Variants in PRKCH observed in about 807,000 individuals in gnomAD.
PRKCH encodes protein kinase C eta type.
PRKCH carries 28 observed loss-of-function variants against 82.5 expected under a neutral mutation model. The observed-to-expected ratio is 0.34, with a 90% CI of 0.25 to 0.47. PRKCH has a LOEUF of 0.47. Among genes scored for constraint, PRKCH ranks in the 20% least tolerant of loss-of-function variants. The pLI, the probability that PRKCH is intolerant of heterozygous loss-of-function variation, is 1.00. For synonymous variants in PRKCH, 322 were observed against 327.4 expected, an observed-to-expected ratio of 0.98 and a Z score of 0.18; for missense variants, 705 against 881.8, an observed-to-expected ratio of 0.80 and a Z score of 2.54.
upstream of PRKCH, among the ~76,000 whole-genome samples, chr14:61,318,446 C>T (rs1227389459): frequency 2.7e-5 from 4 of 148,814 alleles, no homozygotes; most frequent in Admixed American, 2.0e-4. Flanking sequence ...CTTAAGCCAT[C>T]CCCCCACCTT....
intron 1 of PRKCH, among the ~76,000 whole-genome samples, chr14:61,211,888 C>G (rs971412956): frequency 2.6e-5 from 4 of 152,134 alleles, no homozygotes; most frequent in East Asian, 3.8e-4. Context: ...AATAACCTGC[C>G]ACAGTCCTAG....
intron 10 of PRKCH, among the ~76,000 whole-genome samples, chr14:61,502,196 C>T (rs1199539981): frequency 1.3e-5 from 2 of 151,240 alleles, no homozygotes; most frequent in East Asian, 3.9e-4. Flanking sequence ...TCTTGAGTAG[C>T]TGGGACTATA....
At chr14:61,290,829 A>G (rs529275326) in intron 1 of PRKCH, among the ~76,000 whole-genome samples, 4 of 152,224 alleles carry the variant, frequency 2.6e-5, no homozygotes, top group Non-Finnish European at 4.4e-5. Context: ...GAGATTAAAC[A>G]TCCTGATAAG....
chr14:61,248,523 A>G (rs2044907526), intron 1 of PRKCH, among the ~76,000 whole-genome samples: 1 of 152,182 alleles, frequency 6.6e-6, no homozygotes, highest in Non-Finnish European at 1.5e-5. Flanking sequence ...CAGCACCGTA[A>G]CTATCAATAC....
At chr14:61,462,893 T>C (rs551603422) in intron 9 of PRKCH, among the ~76,000 whole-genome samples, 2 of 152,344 alleles carry the variant, frequency 1.3e-5, no homozygotes, top group African/African-American at 4.8e-5. Context: ...TAGCCGAGGA[T>C]CCCTTAGATT....
intron 2 of PRKCH, among the ~76,000 whole-genome samples, chr14:61,432,924 T>TC (rs1555386560): frequency 1.4e-5 from 2 of 146,470 alleles, no homozygotes. Flanking sequence ...AAAAAAAAAG[T>TC]GGGGGGGATA....
chr14:61,285,942 CAG>C lies in PRKCH; in HGVS notation c.-19+98277_-19+98278del, dbSNP rs2045310629. Among the ~76,000 whole-genome samples, 7 of 152,354 alleles carry C rather than the reference CAG, an allele frequency of 4.6e-5. No individual in the cohort carries two copies. In the South Asian group the frequency reaches 1.4e-3, roughly 32 times the overall value. On this transcript the variant is annotated intron_variant, in intron 1 of 3. Coordinates refer to the PRKCH transcript ENST00000555185. ...ATAAGCAAACTCTGTTCCATTTACA[CAG>C]AGTCCCAGGAACAGCTGAGTTGCTT... is the stretch of plus-strand genomic sequence containing the variant.
At chr14:61,368,315 C>T (rs915458783) in intron 1 of PRKCH, among the ~76,000 whole-genome samples, 3 of 150,340 alleles carry the variant, frequency 2.0e-5, no homozygotes, top group African/African-American at 7.4e-5. Context: ...TATCCCTAGT[C>T]ATGGGAAAAA....
At chr14:61,488,933 C>T (rs1254509698) in intron 10 of PRKCH, among the ~76,000 whole-genome samples, 1 of 152,196 alleles carries the variant, frequency 6.6e-6, no homozygotes, top group African/African-American at 2.4e-5. Flanking sequence ...CAGGCTCTAA[C>T]TGATATGGTT....
intron 1 of PRKCH, among the ~76,000 whole-genome samples, chr14:61,283,420 T>G (rs999491897): frequency 2.0e-5 from 3 of 152,196 alleles, no homozygotes; most frequent in African/African-American, 7.2e-5. Flanking sequence ...AAAGGAATTA[T>G]GGGGTTTGAC....
intron 2 of PRKCH, among the ~76,000 whole-genome samples, chr14:61,442,159 A>G (rs1884005324): frequency 6.6e-6 from 1 of 152,188 alleles, no homozygotes; most frequent in South Asian, 2.1e-4. Context: ...GAAATAAGCT[A>G]TATTTTATTA....
chr14:61,328,237 A>T (rs1034772549), intron 1 of PRKCH, among the ~76,000 whole-genome samples: 1 of 144,876 alleles, frequency 6.9e-6, no homozygotes, highest in African/African-American at 2.6e-5. Flanking sequence ...GGCCTGGGCA[A>T]CAGAGCGAGA....
intron 1 of PRKCH, among the ~76,000 whole-genome samples, chr14:61,374,074 G>A (rs756130992): frequency 1.4e-4 from 22 of 152,120 alleles, no homozygotes; most frequent in Non-Finnish European, 3.1e-4. Flanking sequence ...CACTGCAAAA[G>A]GGAGAAATTG....
intron 1 of PRKCH, among the ~76,000 whole-genome samples, chr14:61,350,945 G>T (rs2140148209): frequency 6.6e-6 from 1 of 152,252 alleles, no homozygotes; most frequent in South Asian, 2.1e-4. Context: ...GTCTTAAGTG[G>T]CCTCAATCAA....
chr14:61,456,996 T>C (rs1884796650), intron 7 of PRKCH, 180 bp from the exon 8 acceptor site: 1 of 624,018 alleles, frequency 1.6e-6, no homozygotes, highest in Non-Finnish European at 2.8e-6. Context: ...AAGCACAGAT[T>C]CAGAAGCTGA....
chr14:61,253,388 C>G (rs1220185216), intron 1 of PRKCH, among the ~76,000 whole-genome samples: 3 of 152,176 alleles, frequency 2.0e-5, no homozygotes, highest in Admixed American at 6.5e-5. Context: ...TTTCAGAACT[C>G]CTGGGGAAAG....
chr14:61,274,257 A>G (rs547264311), intron 1 of PRKCH, among the ~76,000 whole-genome samples: 11 of 152,340 alleles, frequency 7.2e-5, no homozygotes, highest in African/African-American at 2.6e-4. Context: ...GGCCTCTTTA[A>G]ATCATTCAAT....
chr14:61,201,872 A>AT (rs1438980394), intron 1 of PRKCH, among the ~76,000 whole-genome samples: 1 of 152,202 alleles, frequency 6.6e-6, no homozygotes, highest in African/African-American at 2.4e-5. Flanking sequence ...AGGAAAAAAA[A>AT]ACTATAAGCA....
At chr14:61,477,991 T>C (rs557470641) in intron 9 of PRKCH, among the ~76,000 whole-genome samples, 1 of 152,324 alleles carries the variant, frequency 6.6e-6, no homozygotes, top group South Asian at 2.1e-4. Context: ...ACCCAGTGCA[T>C]GCAGCTCACT....
Sources: gnomAD v4.1 joint callset for allele counts (sites outside exome capture counted in the v4.1 genomes callset) on GRCh38, gnomAD v4.1.1 for gene constraint, MANE v1.5 for transcripts, NCBI Gene and HGNC (gene_info 2026-07-23, HGNC 2026-07-21) for gene names.